NPFFR2: variants seen among roughly 807,000 people sequenced by gnomAD.
NPFFR2 encodes the protein G-protein coupled receptor 74.
NPFFR2 carries 15 observed loss-of-function variants against 13.1 expected under a neutral mutation model. The ratio of observed to expected loss-of-function variants is 1.15; its 90% CI spans 0.77 to 1.76. The LOEUF (loss-of-function observed/expected upper bound fraction) is 1.76. Ranked by LOEUF, NPFFR2 falls within the 40% of genes most tolerant of loss-of-function variation. The pLI, the probability that NPFFR2 is intolerant of heterozygous loss-of-function variation, is 0.00. For missense variants in NPFFR2, 572 were observed against 503.5 expected, an observed-to-expected ratio of 1.14 and a Z score of -1.30; for synonymous variants, 190 against 175.7, an observed-to-expected ratio of 1.08 and a Z score of -0.65.
intron 3 of NPFFR2, among the ~76,000 whole-genome samples, chr4:72,143,659 A>T (rs369967791): frequency 6.6e-6 from 1 of 152,178 alleles, no homozygotes; most frequent in Non-Finnish European, 1.5e-5. Context: ...TAAATTAGCC[A>T]TCACACTTTT....
At chr4:72,069,083 G>T in intron 1 of NPFFR2, 1 of 546,426 alleles carries the variant, frequency 1.8e-6, no homozygotes, top group Non-Finnish European at 3.1e-6. Flanking sequence ...CACTACTTAA[G>T]CTATTCTGAT....
chr4:72,114,989 A>G (rs908755170), intron 1 of NPFFR2, among the ~76,000 whole-genome samples: 2 of 152,192 alleles, frequency 1.3e-5, no homozygotes, highest in African/African-American at 4.8e-5. Flanking sequence ...TAAGTGAATT[A>G]ATAGGGATAA....
At chr4:72,073,453 T>C (rs1051439113) in intron 1 of NPFFR2, among the ~76,000 whole-genome samples, 5 of 152,014 alleles carry the variant, frequency 3.3e-5, no homozygotes, top group African/African-American at 1.2e-4. Context: ...TAAAGAACAC[T>C]AAATAATAAG....
At chr4:72,115,237 A>T (rs997895464) in intron 1 of NPFFR2, among the ~76,000 whole-genome samples, 18 of 152,184 alleles carry the variant, frequency 1.2e-4, no homozygotes, top group African/African-American at 3.1e-4. Context: ...TGTAGAAATG[A>T]AAAGGTCAAG....
intron 1 of NPFFR2, among the ~76,000 whole-genome samples, chr4:72,115,472 G>A (rs141221943): frequency 9.7e-4 from 147 of 152,274 alleles, no homozygotes; most frequent in South Asian, 4.8e-3. Flanking sequence ...GAATAACTGC[G>A]TCTAAACAAG....
At chr4:72,038,905 C>CT (rs1158358179) in intron 1 of NPFFR2, among the ~76,000 whole-genome samples, 887 of 84,716 alleles carry the variant, frequency 0.01, 70 homozygotes, top group African/African-American at 0.04. Context: ...AATTTCCTTT[C>CT]TTTTTTTTTT....
At chr4:72,091,195 G>C (rs1412266735) in intron 1 of NPFFR2, among the ~76,000 whole-genome samples, 1 of 152,038 alleles carries the variant, frequency 6.6e-6, no homozygotes, top group Non-Finnish European at 1.5e-5. Context: ...ACTTGATCAA[G>C]GCGTATTATC....
At chr4:72,123,530 A>G (rs1176953200) in intron 1 of NPFFR2, among the ~76,000 whole-genome samples, 1 of 152,242 alleles carries the variant, frequency 6.6e-6, no homozygotes, top group Non-Finnish European at 1.5e-5. Flanking sequence ...ATACTGGCAA[A>G]CCAAATGAGG....
chr4:72,114,817 A>G (rs1223248609), intron 1 of NPFFR2, among the ~76,000 whole-genome samples: 1 of 152,124 alleles, frequency 6.6e-6, no homozygotes, highest in East Asian at 1.9e-4. Context: ...ATTTTATTAT[A>G]GCACAAAGGT....
rs752429437 is a variant in NPFFR2, at chr4:72,147,454, T to A, written c.905T>A (p.Leu302His). 3 of 1,614,182 alleles carry A rather than the reference T, an allele frequency of 1.9e-6. No individual in the cohort carries two copies. The highest frequency in any genetic ancestry group is 8.5e-7 in the Non-Finnish European group (1 of 1,180,026). ...TLMMLSDYAD[L>H]SPNELQIINI... ...ATGATGCTCTCAGACTACGCTGACCTTTCTCCAAATGAACTGCAGATCATC... is the reference window on the plus strand; with the variant it reads ...ATGATGCTCTCAGACTACGCTGACCATTCTCCAAATGAACTGCAGATCATC... Residue 302 changes from leucine (L) to histidine (H), a missense_variant, in exon 4 of 4, where the codon CTT becomes CAT. Coordinates refer to ENST00000308744, the MANE Select transcript of NPFFR2 (RefSeq NM_004885.3).
chr4:72,051,027 G>A (rs1393874894), intron 1 of NPFFR2, among the ~76,000 whole-genome samples: 1 of 151,932 alleles, frequency 6.6e-6, no homozygotes, highest in Non-Finnish European at 1.5e-5. Flanking sequence ...GTACATTTGG[G>A]TTGGTTCCAA....
chr4:72,139,091 C>A (rs1355185144), intron 3 of NPFFR2, among the ~76,000 whole-genome samples: 2 of 143,880 alleles, frequency 1.4e-5, no homozygotes, highest in Non-Finnish European at 2.9e-5. Flanking sequence ...TATACTTTGC[C>A]CACTTTTTGA....
Position 72,043,022 on chromosome 4 carries a change from C to T in NPFFR2, c.-8+10822C>T, listed in dbSNP as rs116691992. Among the ~76,000 whole-genome samples, 452 of 152,302 alleles carry T rather than the reference C, an allele frequency of 3.0e-3. 2 individuals carry two copies. The highest frequency in any genetic ancestry group is 0.011 in the African/African-American group (444 of 41,562). On this transcript the variant is annotated intron_variant, in intron 1 of 3. Transcript: ENST00000308744. Reference sequence around the variant, plus strand: ...GGTTTCTTAGGCCAAGTCCAGGCCCCCTTGCTGTGTTCAGCCTTGGGACTT... The same window carrying T: ...GGTTTCTTAGGCCAAGTCCAGGCCCTCTTGCTGTGTTCAGCCTTGGGACTT...
Position 72,147,863 on chromosome 4 carries a change from C to A in NPFFR2, c.*51C>A. 7.6e-7 allele frequency: 1 copy of A among 1,311,534 alleles called. No individual in the cohort carries two copies. Among genetic ancestry groups the A allele is most frequent in the African/African-American group, 1.5e-5 (1 of 67,256 alleles). 81.2% of individuals were successfully genotyped at this position (1,311,534 alleles called of 1,614,324 possible). On this transcript the variant is annotated 3_prime_UTR_variant, in exon 4 of 4. Transcript: ENST00000308744. The stretch of plus-strand genomic sequence containing the variant: ...TCTACTACGCATTATATATTTAAAT[C>A]CATTGCTTTTTGTGGCTTTGCACTT...
chr4:72,145,116 T>G (rs1265906710), intron 3 of NPFFR2, among the ~76,000 whole-genome samples: 1 of 151,822 alleles, frequency 6.6e-6, no homozygotes, highest in Admixed American at 6.6e-5. Flanking sequence ...ATATTTCCAT[T>G]GACTTTCTCA....
intron 1 of NPFFR2, among the ~76,000 whole-genome samples, chr4:72,072,785 A>G (rs1720298885): frequency 6.6e-6 from 1 of 152,162 alleles, no homozygotes; most frequent in Non-Finnish European, 1.5e-5. Flanking sequence ...TCAAAGTATC[A>G]TAATCCCAAA....
chr4:72,134,742 C>T (rs1722354458), intron 2 of NPFFR2, among the ~76,000 whole-genome samples: 1 of 152,108 alleles, frequency 6.6e-6, no homozygotes, highest in Non-Finnish European at 1.5e-5. Flanking sequence ...TTAAACATAT[C>T]AGGTATCTAT....
Position 72,138,224 on chromosome 4 carries a change from G to T in NPFFR2, c.428+85G>T. The T allele has an allele frequency of 6.2e-6, 5 of 808,160 alleles. No individual in the cohort carries two copies. In the South Asian group the frequency reaches 7.8e-5, roughly 13 times the overall value. The allele number at this position is 808,160 out of a possible 1,614,324, so 50.1% of individuals were successfully genotyped here. On this transcript the variant is annotated intron_variant, in intron 3 of 3. Coordinates refer to ENST00000308744, the MANE Select transcript of NPFFR2 (RefSeq NM_004885.3). ...GAAAAATATATAACCTACTAAATTT[G>T]GACATATCTTTTCAAATTGTATTCA...
intron 1 of NPFFR2, among the ~76,000 whole-genome samples, chr4:72,060,773 T>C (rs893994433): frequency 3.5e-4 from 53 of 152,242 alleles, no homozygotes; most frequent in African/African-American, 1.3e-3. Flanking sequence ...GTCCCCTTCA[T>C]CATCACTTTT....
Sources: gnomAD v4.1 joint callset for allele counts (sites outside exome capture counted in the v4.1 genomes callset) on GRCh38, gnomAD v4.1.1 for gene constraint, MANE v1.5 for transcripts, NCBI Gene and HGNC (gene_info 2026-07-23, HGNC 2026-07-21) for gene names.